The following RPRD1A variants were observed in gnomAD, a reference collection of about 807,000 sequenced individuals.
The protein encoded by RPRD1A is regulation of nuclear pre-mRNA domain-containing protein 1A.
In RPRD1A, 9 loss-of-function variants were observed where a neutral mutation model predicts 37.8. The observed-to-expected ratio is 0.24, with a 90% CI of 0.14 to 0.42. The LOEUF (loss-of-function observed/expected upper bound fraction) is 0.42. Among genes scored for constraint, RPRD1A ranks in the 10% least tolerant of loss-of-function variants. The pLI, the probability that RPRD1A is intolerant of heterozygous loss-of-function variation, is 1.00. For synonymous variants in RPRD1A, 138 were observed against 139.7 expected (o/e 0.99, Z 0.08); for missense variants, 255 against 371.0 (o/e 0.69, Z 2.57).
intron 1 of RPRD1A, chr18:36,062,959 T>C (rs574336504): frequency 2.0e-5 from 3 of 152,180 alleles, no homozygotes; most frequent in African/African-American, 7.2e-5. Flanking sequence ...AATAAAGAAG[T>C]AACAAAATGG....
chr18:36,006,758 G>A (rs1326309176), intron 6 of RPRD1A, among the ~76,000 whole-genome samples: 1 of 152,118 alleles, frequency 6.6e-6, no homozygotes, highest in African/African-American at 2.4e-5. Flanking sequence ...TAACAATGCC[G>A]GAATACAGAC....
At chr18:36,047,813 G>T (rs1390502723) in intron 1 of RPRD1A, among the ~76,000 whole-genome samples, 1 of 152,134 alleles carries the variant, frequency 6.6e-6, no homozygotes, top group Non-Finnish European at 1.5e-5. Flanking sequence ...TAACAATTAA[G>T]GAAATTGAGT....
chr18:35,994,255 G>T (rs2144132331), intron 6 of RPRD1A, among the ~76,000 whole-genome samples: 1 of 152,300 alleles, frequency 6.6e-6, no homozygotes, highest in East Asian at 1.9e-4. Flanking sequence ...TCCAAATGTG[G>T]TCACAGGTAA....
intron 6 of RPRD1A, among the ~76,000 whole-genome samples, chr18:36,013,253 T>C (rs915043539): frequency 6.6e-6 from 1 of 152,076 alleles, no homozygotes; most frequent in African/African-American, 2.4e-5. Context: ...TTCCCAACAT[T>C]AGACAAGCAG....
intron 6 of RPRD1A, among the ~76,000 whole-genome samples, chr18:36,022,154 C>T (rs1372579930): frequency 2.0e-5 from 3 of 152,322 alleles, no homozygotes; most frequent in East Asian, 1.9e-4. Context: ...AAGGCCCAAA[C>T]GCTCTTCAAT....
At chr18:36,052,094 C>T (rs1414421637) in intron 1 of RPRD1A, among the ~76,000 whole-genome samples, 1 of 150,690 alleles carries the variant, frequency 6.6e-6, no homozygotes, top group South Asian at 2.1e-4. Flanking sequence ...AGATTAAAAC[C>T]CAATTTCTCA....
At chr18:36,058,280 C>G (rs1356493685) in intron 1 of RPRD1A, among the ~76,000 whole-genome samples, 2 of 152,112 alleles carry the variant, frequency 1.3e-5, no homozygotes, top group Non-Finnish European at 2.9e-5. Context: ...TGGCCTCAAA[C>G]AATCCACCCG....
At chr18:36,006,212 C>T (rs938899338) in intron 6 of RPRD1A, among the ~76,000 whole-genome samples, 1 of 152,118 alleles carries the variant, frequency 6.6e-6, no homozygotes, top group Non-Finnish European at 1.5e-5. Context: ...TTTTTGGAGA[C>T]AGGTCAGCCC....
At chr18:36,012,535 A>C (rs531138316) in intron 6 of RPRD1A, among the ~76,000 whole-genome samples, 4 of 152,352 alleles carry the variant, frequency 2.6e-5, no homozygotes, top group South Asian at 4.1e-4. Context: ...GCCTAGAAGC[A>C]ATAGGCTATA....
intron 6 of RPRD1A, among the ~76,000 whole-genome samples, chr18:36,010,287 A>T (rs1373400833): frequency 6.6e-6 from 1 of 151,956 alleles, no homozygotes; most frequent in Non-Finnish European, 1.5e-5. Flanking sequence ...TGGGCAACAC[A>T]GCAAGACCTT....
intron 1 of RPRD1A, among the ~76,000 whole-genome samples, chr18:36,062,681 A>T (rs2088940276): frequency 6.6e-6 from 1 of 152,178 alleles, no homozygotes. Flanking sequence ...GCATGGATGG[A>T]AAACACACAA....
intron 1 of RPRD1A, among the ~76,000 whole-genome samples, chr18:36,057,217 C>CA (rs1220810290): frequency 6.6e-6 from 1 of 151,668 alleles, no homozygotes; most frequent in Non-Finnish European, 1.5e-5. Context: ...CCCTGTCTCT[C>CA]AAAAAACAAG....
intron 6 of RPRD1A, among the ~76,000 whole-genome samples, chr18:36,012,008 G>A (rs1910207986): frequency 6.6e-6 from 1 of 152,052 alleles, no homozygotes; most frequent in Non-Finnish European, 1.5e-5. Context: ...ATTCCACCCA[G>A]GACAAAAATC....
At chr18:36,055,623 G>A (rs774412103) in intron 1 of RPRD1A, among the ~76,000 whole-genome samples, 9 of 152,048 alleles carry the variant, frequency 5.9e-5, no homozygotes, top group Non-Finnish European at 1.0e-4. Flanking sequence ...CATTCTTTCA[G>A]ATACCGTAAC....
chr18:36,045,376 T>C (rs1912880479), intron 1 of RPRD1A, among the ~76,000 whole-genome samples: 3 of 152,238 alleles, frequency 2.0e-5, no homozygotes, highest in South Asian at 4.1e-4. Context: ...AAAGCTCTTG[T>C]AGAACAGGTA....
chr18:36,006,114 C>A (rs1909733901), intron 6 of RPRD1A, among the ~76,000 whole-genome samples: 1 of 152,172 alleles, frequency 6.6e-6, no homozygotes, highest in African/African-American at 2.4e-5. Context: ...TGGCACAGAG[C>A]TAATGCTAAA....
At chr18:36,016,140 A>T (rs1361775356) in intron 6 of RPRD1A, among the ~76,000 whole-genome samples, 1 of 152,266 alleles carries the variant, frequency 6.6e-6, no homozygotes, top group African/African-American at 2.4e-5. Context: ...TGTCCTCCAC[A>T]GAGTGGACCA....
intron 1 of RPRD1A, among the ~76,000 whole-genome samples, chr18:36,036,527 G>A (rs769727001): frequency 4.6e-5 from 7 of 152,106 alleles, no homozygotes; most frequent in Non-Finnish European, 8.8e-5. Context: ...GATTGAGCAT[G>A]GGGTCCAAAT....
Position 36,031,097 on chromosome 18 carries a change from A to C in RPRD1A, c.282T>G (p.Ser94Arg). ...VIVEAFKHVS[S>R]ETDESCKKHL... is the part of the protein sequence containing the mutation. ...GCTTCTTACAACTTTCATCAGTTTC[A>C]CTAAAAAAAAAAAAAAAGAAAAAAA... The change falls in exon 3 of 7, where the codon AGT becomes AGG. Residue 94 changes from serine to arginine, a missense_variant and splice_region_variant. Coordinates refer to ENST00000399022, the MANE Select transcript of RPRD1A (RefSeq NM_018170.5). 6.7e-7 allele frequency: 1 copy of C among 1,500,472 alleles called. No homozygotes were observed. The highest frequency in any genetic ancestry group is 8.8e-7 in the Non-Finnish European group (1 of 1,133,832). 92.9% of individuals were successfully genotyped at this position (1,500,472 alleles called of 1,614,324 possible).
Sources: gnomAD v4.1 joint callset for allele counts (sites outside exome capture counted in the v4.1 genomes callset) on GRCh38, gnomAD v4.1.1 for gene constraint, MANE v1.5 for transcripts, NCBI Gene and HGNC (gene_info 2026-07-23, HGNC 2026-07-21) for gene names.